NPFFR2: variants seen among roughly 807,000 people sequenced by gnomAD.
NPFFR2 encodes neuropeptide FF receptor 2, also known as G-protein coupled receptor 74.
NPFFR2 carries 15 observed loss-of-function variants against 13.1 expected under a neutral mutation model. The observed-to-expected ratio is 1.15, with a 90% CI of 0.77 to 1.76. The LOEUF (loss-of-function observed/expected upper bound fraction) is 1.76, where lower values mean the gene tolerates loss of function less well. Ranked by LOEUF, NPFFR2 falls within the 40% of genes most tolerant of loss-of-function variation. NPFFR2 has a pLI of 0.00. For missense variants in NPFFR2, 572 were observed against 503.5 expected, an observed-to-expected ratio of 1.14 and a Z score of -1.30; for synonymous variants, 190 against 175.7, an observed-to-expected ratio of 1.08 and a Z score of -0.65.
chr4:72,072,307 C>A (rs1720280165), intron 1 of NPFFR2, among the ~76,000 whole-genome samples: 1 of 150,314 alleles, frequency 6.7e-6, no homozygotes, highest in Non-Finnish European at 1.5e-5. Context: ...AGAACCAAAG[C>A]AAGACATGAA....
Position 72,148,238 on chromosome 4 carries a change from G to A in NPFFR2, c.*426G>A, listed in dbSNP as rs1354631709. ...TTGGATTTAAAATTTTAGATTACAA[G>A]ACTATTACTCTGCTTATGTTTATAA... On this transcript the variant is annotated 3_prime_UTR_variant, in exon 4 of 4. Coordinates refer to ENST00000308744, the MANE Select transcript of NPFFR2 (RefSeq NM_004885.3). Among the ~76,000 whole-genome samples, 3 of 152,174 alleles carry A rather than the reference G, an allele frequency of 2.0e-5. No individual in the cohort carries two copies.
intron 1 of NPFFR2, among the ~76,000 whole-genome samples, chr4:72,079,053 A>AACACACAC (rs59522916): frequency 0.2 from 27,647 of 138,798 alleles, 2,861 homozygotes; most frequent in Middle Eastern, 0.29. Flanking sequence ...CATAGAACTA[A>AACACACAC]ACACACACAC....
chr4:72,041,854 G>T (rs953218909), intron 1 of NPFFR2, among the ~76,000 whole-genome samples: 26 of 151,900 alleles, frequency 1.7e-4, no homozygotes, highest in African/African-American at 6.3e-4. Flanking sequence ...ATTTTTTCTT[G>T]ATTTAAGCTC....
rs375857115 is a variant in NPFFR2, at chr4:72,142,405, T to A, written c.428+4266T>A. Among the ~76,000 whole-genome samples the A allele has an allele frequency of 1.8e-4, 27 of 152,154 alleles. 1 individual carries two copies. Among genetic ancestry groups the A allele is most frequent in the Admixed American group, 1.4e-3 (21 of 15,260 alleles). ...GCTTCCCAGCTAAGGTGATGCCCCG[T>A]CCTGCTTTGGCTCACCCTCCGTGGG... On this transcript the variant is annotated intron_variant, in intron 3 of 3. Transcript: ENST00000308744.
Position 72,147,909 on chromosome 4 carries a change from C to A in NPFFR2, c.*97C>A. 3.3e-6 allele frequency: 3 copies of A among 920,508 alleles called. No individual in the cohort carries two copies. The highest frequency in any genetic ancestry group is 3.0e-4 in the Middle Eastern group (1 of 3,344). 57.0% of individuals were successfully genotyped at this position (920,508 alleles called of 1,614,324 possible). A position where few individuals can be genotyped will look rare whatever the true frequency, so the allele number is the denominator to read the frequency against. The stretch of plus-strand genomic sequence containing the variant: ...CACTTCAAATTTTTCAAAGAATGTT[C>A]TAAATAAAACATTTACTGAAAGCCC... On this transcript the variant is annotated 3_prime_UTR_variant, in exon 4 of 4. Transcript: ENST00000308744.
chr4:72,057,352 G>A (rs538379860), intron 1 of NPFFR2, among the ~76,000 whole-genome samples: 1 of 151,856 alleles, frequency 6.6e-6, no homozygotes, highest in Non-Finnish European at 1.5e-5. Flanking sequence ...AGTTCCAGAG[G>A]CCAGAAATCT....
chr4:72,064,744 A>G (rs558965167), intron 1 of NPFFR2, among the ~76,000 whole-genome samples: 1 of 152,298 alleles, frequency 6.6e-6, no homozygotes, highest in Non-Finnish European at 1.5e-5. Context: ...TGAGACAGAC[A>G]GTTGGTAAAT....
At chr4:72,102,823 A>G (rs1227188598) in intron 1 of NPFFR2, among the ~76,000 whole-genome samples, 2 of 152,046 alleles carry the variant, frequency 1.3e-5, no homozygotes, top group Non-Finnish European at 2.9e-5. Context: ...ATAGTGCCGC[A>G]GGAAACATAC....
At chr4:72,125,047 T>C (rs529695932) in intron 1 of NPFFR2, among the ~76,000 whole-genome samples, 1 of 152,300 alleles carries the variant, frequency 6.6e-6, no homozygotes, top group African/African-American at 2.4e-5. Flanking sequence ...AAAGGGCTAA[T>C]ATCCAGAATC....
intron 1 of NPFFR2, among the ~76,000 whole-genome samples, chr4:72,117,008 C>A (rs575129743): frequency 6.6e-6 from 1 of 152,204 alleles, no homozygotes; most frequent in South Asian, 2.1e-4. Context: ...AGACGTCTAC[C>A]TTACACAACA....
chr4:72,070,132 C>T (rs1021292162), intron 1 of NPFFR2, among the ~76,000 whole-genome samples: 1 of 152,156 alleles, frequency 6.6e-6, no homozygotes, highest in Non-Finnish European at 1.5e-5. Flanking sequence ...TATAATTGAT[C>T]CCTAGCAGAT....
chr4:72,057,444 C>T (rs1446302762), intron 1 of NPFFR2, among the ~76,000 whole-genome samples: 1 of 151,988 alleles, frequency 6.6e-6, no homozygotes, highest in Non-Finnish European at 1.5e-5. Context: ...CTTGTGGTGG[C>T]TCCAGGAACA....
At chr4:72,088,273 C>T (rs566214100) in intron 1 of NPFFR2, among the ~76,000 whole-genome samples, 22 of 152,064 alleles carry the variant, frequency 1.4e-4, no homozygotes, top group East Asian at 1.4e-3. Flanking sequence ...AACTATGTTG[C>T]GTATTTATTT....
chr4:72,059,384 C>T (rs1719856522), intron 1 of NPFFR2, among the ~76,000 whole-genome samples: 1 of 152,012 alleles, frequency 6.6e-6, no homozygotes, highest in Non-Finnish European at 1.5e-5. Context: ...ATAGAGAAAA[C>T]ATATTTGTCA....
chr4:72,138,008 T>A, intron 2 of NPFFR2, 32 bp from the exon 3 acceptor site: 1 of 1,496,098 alleles, frequency 6.7e-7, no homozygotes. Flanking sequence ...GAAAATATGA[T>A]CTTTTGAAAG....
chr4:72,143,101 C>G (rs1489979960), intron 3 of NPFFR2, among the ~76,000 whole-genome samples: 8 of 152,062 alleles, frequency 5.3e-5, no homozygotes, highest in African/African-American at 1.9e-4. Context: ...AAGGGCATCC[C>G]TTAAGACAAG....
At chr4:72,055,114 T>G (rs10012432) in intron 1 of NPFFR2, among the ~76,000 whole-genome samples, 135,409 of 151,904 alleles carry the variant, frequency 0.89, 61,461 homozygotes, top group Non-Finnish European at 0.98. Flanking sequence ...GAAGAAAATC[T>G]TAATATCCAC....
At chr4:72,146,537 T>C (rs1382319222) in intron 3 of NPFFR2, 1 of 165,682 alleles carries the variant, frequency 6.0e-6, no homozygotes, top group East Asian at 1.8e-4. Flanking sequence ...GCCTAAGAGC[T>C]ACCCATCTAA....
Position 72,107,411 on chromosome 4 carries a change from A to G in NPFFR2, c.-7-21174A>G, listed in dbSNP as rs531026531. ...TCCCGGCTGTGTTGCTGACCTTCACAATCCTGGGAGATCATCCTATATGTT... is the reference window on the plus strand; with the variant it reads ...TCCCGGCTGTGTTGCTGACCTTCACGATCCTGGGAGATCATCCTATATGTT... On this transcript the variant is annotated intron_variant, in intron 1 of 3. Transcript: ENST00000308744. 2.5e-4 allele frequency among the ~76,000 whole-genome samples: 38 copies of G among 151,442 alleles called. 1 individual carries two copies. The South Asian group carries it at 7.9e-3, about 32-fold the overall frequency.
Sources: allele counts gnomAD v4.1 joint callset (sites outside exome capture counted in the v4.1 genomes callset), GRCh38; gene constraint gnomAD v4.1.1; transcripts MANE v1.5; gene names NCBI Gene and HGNC (gene_info 2026-07-23, HGNC 2026-07-21).